Variants in RFX7 observed in about 807,000 individuals in gnomAD.
The protein encoded by RFX7 is DNA-binding protein RFX7.
RFX7 carries 26 observed loss-of-function variants against 111.8 expected under a neutral mutation model. The observed-to-expected ratio is 0.23, with a 90% confidence interval of 0.17 to 0.32. The LOEUF (loss-of-function observed/expected upper bound fraction) is 0.32, where lower values mean the gene tolerates loss of function less well. Among genes scored for constraint, RFX7 ranks in the 10% least tolerant of loss-of-function variants. The pLI, the probability that RFX7 is intolerant of heterozygous loss-of-function variation, is 1.00. For synonymous variants in RFX7, 624 were observed against 624.4 expected (o/e 1.00, Z 0.01); for missense variants, 1,573 against 1,772.9 (o/e 0.89, Z 2.02).
intron 2 of RFX7, among the ~76,000 whole-genome samples, chr15:56,242,582 T>G (rs865954245): frequency 6.6e-6 from 1 of 152,132 alleles, no homozygotes; most frequent in South Asian, 2.1e-4. Flanking sequence ...ATGCAAAGAA[T>G]AAACTCCCTG....
At chr15:56,209,123 C>T (rs2043285527) in intron 2 of RFX7, among the ~76,000 whole-genome samples, 1 of 151,810 alleles carries the variant, frequency 6.6e-6, no homozygotes, top group African/African-American at 2.4e-5. Flanking sequence ...TATACTTAGG[C>T]ATATAATTCT....
At chr15:56,168,896 A>G (rs2042812269) in intron 3 of RFX7, among the ~76,000 whole-genome samples, 1 of 152,236 alleles carries the variant, frequency 6.6e-6, no homozygotes, top group Non-Finnish European at 1.5e-5. Flanking sequence ...CAAATAAAAA[A>G]GAGACTAGGA....
Position 56,098,209 on chromosome 15 carries a change from C to G in RFX7, c.979G>C (p.Glu327Gln), listed in dbSNP as rs763522934. The G allele has an allele frequency of 1.9e-6, 3 of 1,613,934 alleles. No homozygotes were observed. The highest frequency in any genetic ancestry group is 2.5e-6 in the Non-Finnish European group (3 of 1,179,836). Reference sequence around the variant, plus strand: ...CTTTCTGACTTTTTTGCTGCAGATTCTCCTGGCAAAGGGGATTGTAGTTTC... The same window carrying G: ...CTTTCTGACTTTTTTGCTGCAGATTGTCCTGGCAAAGGGGATTGTAGTTTC... The part of the protein sequence containing the change: ...EQKLQSPLPG[E>Q]SAAKKSESAT... Residue 327 changes from glutamate (E) to glutamine (Q), a missense_variant, in exon 9 of 10, where the codon GAA (glutamate) becomes CAA (glutamine). Physicochemically the swap from Glu to Gln is conservative, Grantham distance 29 (BLOSUM62 2). Around this residue, in one of 7 missense-constraint regions of RFX7, gnomAD observed 288 missense variants for 337.9 expected, o/e 0.85. Transcript: ENST00000559447.
At chr15:56,144,370 A>G (rs779625313) in intron 4 of RFX7, 31 bp downstream of exon 4, 3 of 1,235,326 alleles carry the variant, frequency 2.4e-6, no homozygotes, top group Non-Finnish European at 1.1e-6. Context: ...TATAAACAGC[A>G]TAATTATAGC....
chr15:56,109,239 G>A (rs1307399753), intron 5 of RFX7, among the ~76,000 whole-genome samples: 1 of 152,252 alleles, frequency 6.6e-6, no homozygotes, highest in African/African-American at 2.4e-5. Context: ...GTGGAGACGG[G>A]GTTTCGCTGT....
rs377613727 is a variant in RFX7 at position 56,233,553 on chromosome 15, G to A, written c.161+9572C>T. Among the ~76,000 whole-genome samples the A allele has an allele frequency of 5.9e-5, 9 of 152,240 alleles. 1 individual carries two copies. The highest frequency in any genetic ancestry group is 2.1e-4 in the South Asian group (1 of 4,820). ...GGAAACTTGTTAAAATACTGGACAC[G>A]AGGATGAGAGAAAAATAAAAGATGA... On this transcript the variant is annotated intron_variant, in intron 2 of 9. Coordinates refer to ENST00000559447, the MANE Select transcript of RFX7 (RefSeq NM_022841.7).
At position 56,096,410 on chromosome 15, in the gene RFX7, T is replaced by C. The variant is rs751861649; in HGVS notation, c.1318A>G (p.Ser440Gly). The C allele has an allele frequency of 6.2e-7, 1 of 1,613,890 alleles. No homozygotes were observed. The highest frequency in any genetic ancestry group is 1.1e-5 in the South Asian group (1 of 91,052). The change falls in exon 10 of 10, where the codon AGT (serine) becomes GGT (glycine). Residue 440 changes from serine (S) to glycine (G), a missense_variant. Ser to Gly is a moderately conservative substitution (Grantham distance 56). Around this residue, in one of 7 missense-constraint regions of RFX7, gnomAD observed 288 missense variants for 337.9 expected, o/e 0.85. Coordinates refer to ENST00000559447, the MANE Select transcript of RFX7 (RefSeq NM_022841.7). ...PQILPKPANT[S>G]ALTIRSPTTV... The stretch of plus-strand genomic sequence containing the variant: ...GTTGGAGAGCGAATGGTGAGTGCAC[T>C]GGTGTTCGCTGGTTTGGGTAAGATC...
chr15:56,166,387 GCAAAA>G (rs2141098511), intron 3 of RFX7, among the ~76,000 whole-genome samples: 1 of 152,188 alleles, frequency 6.6e-6, no homozygotes, highest in South Asian at 2.1e-4. Context: ...TAACTCCAAA[GCAAAA>G]CTAGTCAATT....
chr15:56,158,166 T>C (rs1269694089), intron 3 of RFX7, among the ~76,000 whole-genome samples: 1 of 152,202 alleles, frequency 6.6e-6, no homozygotes, highest in Non-Finnish European at 1.5e-5. Context: ...TTGATGTCTA[T>C]ATCAAGCAGT....
intron 2 of RFX7, among the ~76,000 whole-genome samples, chr15:56,231,979 C>A (rs537982772): frequency 6.6e-6 from 1 of 152,232 alleles, no homozygotes; most frequent in Non-Finnish European, 1.5e-5. Flanking sequence ...CCAGGTCACA[C>A]TGATTCAAGA....
At chr15:56,211,703 T>C (rs1164447453) in intron 2 of RFX7, among the ~76,000 whole-genome samples, 2 of 151,858 alleles carry the variant, frequency 1.3e-5, no homozygotes, top group Non-Finnish European at 2.9e-5. Flanking sequence ...TCAACCCCAT[T>C]AAAAAATGGG....
At chr15:56,221,629 CTTCT>C (rs1376825444) in intron 2 of RFX7, among the ~76,000 whole-genome samples, 39 of 152,036 alleles carry the variant, frequency 2.6e-4, no homozygotes, top group African/African-American at 8.2e-4. Context: ...CATTTCCTGT[CTTCT>C]TTATTATTCA....
At chr15:56,098,488 G>T in intron 8 of RFX7, 112 bp from the exon 9 acceptor site, 1 of 1,103,896 alleles carries the variant, frequency 9.1e-7, no homozygotes, top group Non-Finnish European at 1.3e-6. Flanking sequence ...AACCAAAATG[G>T]CAAATTTTAA....
intron 2 of RFX7, among the ~76,000 whole-genome samples, chr15:56,212,989 A>G (rs554632566): frequency 6.6e-6 from 1 of 152,332 alleles, no homozygotes; most frequent in Non-Finnish European, 1.5e-5. Context: ...CTATATACCT[A>G]TAAGAACAGC....
intron 5 of RFX7, among the ~76,000 whole-genome samples, chr15:56,139,700 T>G (rs1393242053): frequency 1.3e-5 from 2 of 152,176 alleles, no homozygotes; most frequent in African/African-American, 2.4e-5. Flanking sequence ...CTCTGGTTTT[T>G]AGAGTTTCCA....
At chr15:56,096,709 T>G in intron 9 of RFX7, 89 bp from the exon 10 acceptor site, 1 of 1,355,074 alleles carries the variant, frequency 7.4e-7, no homozygotes. Context: ...AGTCATTTAT[T>G]AAATGTTAAT....
chr15:56,190,164 A>G (rs1236311304), intron 2 of RFX7, among the ~76,000 whole-genome samples: 4 of 152,236 alleles, frequency 2.6e-5, no homozygotes, highest in Admixed American at 2.0e-4. Context: ...GAAAAATTAG[A>G]AAAAGTATCT....
chr15:56,127,699 CACCATGCCCGGCTAATTT>C (rs2042162570), intron 5 of RFX7, among the ~76,000 whole-genome samples: 1 of 151,696 alleles, frequency 6.6e-6, no homozygotes, highest in Non-Finnish European at 1.5e-5. Flanking sequence ...AGGCGCGCGC[CACCATGCCCGGCTAATTT>C]TTGTATTTTC....
intron 5 of RFX7, among the ~76,000 whole-genome samples, chr15:56,130,338 A>C (rs375672714): frequency 1.3e-5 from 2 of 152,178 alleles, no homozygotes; most frequent in Admixed American, 1.3e-4. Flanking sequence ...ACTAAGCCCC[A>C]TTCTCTGACC....
Sources: allele counts gnomAD v4.1 joint callset (sites outside exome capture counted in the v4.1 genomes callset), GRCh38; gene constraint gnomAD v4.1.1; regional missense constraint gnomAD v4.1.1; transcripts MANE v1.5; gene names NCBI Gene and HGNC (gene_info 2026-07-23, HGNC 2026-07-21).